IPP: variants seen among roughly 807,000 people sequenced by gnomAD.
IPP encodes the protein actin-binding protein IPP.
A neutral mutation model predicts 64.1 loss-of-function variants in IPP; 41 were observed. The ratio of observed to expected loss-of-function variants is 0.64; its 90% CI spans 0.50 to 0.83. The LOEUF (loss-of-function observed/expected upper bound fraction) is 0.83. IPP is among the 40% of genes least tolerant of loss of function. IPP has a pLI of 0.00. For missense variants in IPP, 649 were observed against 703.0 expected, an observed-to-expected ratio of 0.92 and a Z score of 0.87; for synonymous variants, 214 against 235.2, an observed-to-expected ratio of 0.91 and a Z score of 0.83.
chr1:45,736,251 C>T (rs191616119), intron 3 of IPP, among the ~76,000 whole-genome samples: 5 of 151,898 alleles, frequency 3.3e-5, no homozygotes, highest in Admixed American at 6.6e-5. Flanking sequence ...ACCACCACGC[C>T]GAGCCTATTG....
intron 7 of IPP, 32 bp downstream of exon 7, chr1:45,716,863 T>C (rs758363576): frequency 6.3e-7 from 1 of 1,586,232 alleles, no homozygotes; most frequent in South Asian, 1.1e-5. Context: ...CAGAACTACA[T>C]TTTGAGGAAA....
rs1431003479 is a variant in IPP at position 45,749,676 on chromosome 1, A to G, written c.-51+921T>C. Among the ~76,000 whole-genome samples, 27 of 149,358 alleles carry G rather than the reference A, an allele frequency of 1.8e-4. No individual in the cohort carries two copies. In the South Asian group the frequency reaches 3.6e-3, roughly 20 times the overall value. ...GCTGGGACTACAGGCGCCCGCCACC[A>G]CGCCCGGCTAATTTTTTGCATTTTT... On this transcript the variant is annotated intron_variant, in intron 1 of 8. Coordinates refer to ENST00000396478, the MANE Select transcript of IPP (RefSeq NM_005897.3).
chr1:45,698,881 G>T lies in IPP; in HGVS notation c.*1085C>A. On this transcript the variant is annotated 3_prime_UTR_variant, in exon 9 of 9. Transcript: ENST00000396478. ...CCACAGGTACAAGCCACAACGCCCG[G>T]CTAATTTTTATATATTTTTTGGTAG... 3.2e-6 allele frequency: 1 copy of T among 316,558 alleles called. No homozygotes were observed. Among genetic ancestry groups the T allele is most frequent in the Non-Finnish European group, 4.6e-6 (1 of 218,840 alleles). 19.6% of individuals were successfully genotyped at this position (316,558 alleles called of 1,614,324 possible). A position where few individuals can be genotyped will look rare whatever the true frequency, so the allele number is the denominator to read the frequency against.
chr1:45,694,996 C>T (rs1235798135), downstream of IPP: 1 of 153,332 alleles, frequency 6.5e-6, no homozygotes, highest in Non-Finnish European at 1.5e-5. Flanking sequence ...AGCGATTCTC[C>T]TGCCTCAGCA....
intron 1 of IPP, among the ~76,000 whole-genome samples, chr1:45,749,710 CG>C (rs1646193849): frequency 6.6e-6 from 1 of 151,286 alleles, no homozygotes; most frequent in Admixed American, 6.6e-5. Context: ...TTAGTAGAGA[CG>C]GGGTTTCACC....
chr1:45,721,052 A>G (rs1213819335), intron 5 of IPP, among the ~76,000 whole-genome samples: 1 of 152,214 alleles, frequency 6.6e-6, no homozygotes. Flanking sequence ...TAAAAGATGA[A>G]GCAGCACAGT....
At chr1:45,717,115 G>C (rs979530732) in intron 6 of IPP, 98 bp from the exon 7 acceptor site, 4 of 1,023,956 alleles carry the variant, frequency 3.9e-6, no homozygotes, top group Non-Finnish European at 5.7e-6. Flanking sequence ...TCATATTATA[G>C]ATATCACATG....
intron 3 of IPP, among the ~76,000 whole-genome samples, chr1:45,737,907 AT>A (rs1646001730): frequency 6.6e-6 from 1 of 152,206 alleles, no homozygotes; most frequent in Non-Finnish European, 1.5e-5. Flanking sequence ...GGACAGTATA[AT>A]AAGATATTTT....
intron 1 of IPP, among the ~76,000 whole-genome samples, chr1:45,747,101 C>T (rs187706673): frequency 4.0e-5 from 6 of 151,798 alleles, no homozygotes; most frequent in East Asian, 3.9e-4. Context: ...TCTTAGTGCG[C>T]GCATGCGCGC....
intron 3 of IPP, among the ~76,000 whole-genome samples, chr1:45,740,495 G>C (rs920279368): frequency 6.6e-6 from 1 of 152,046 alleles, no homozygotes; most frequent in Non-Finnish European, 1.5e-5. Context: ...CTGGCCGGGC[G>C]GGGGGCTGAC....
In IPP at chr1:45,741,732, C is replaced by T. The variant is rs1304788793; in HGVS notation, c.293-400G>A. The stretch of plus-strand genomic sequence containing the variant: ...CAAGCTCCGCCTCCCAGGTTCACGC[C>T]ATTCTCCTGCCTCAGCCTCCCGAGT... On this transcript the variant is annotated intron_variant, in intron 2 of 8. Transcript: ENST00000396478. 3.2e-5 allele frequency among the ~76,000 whole-genome samples: 3 copies of T among 92,810 alleles called. 1 individual carries two copies. Among genetic ancestry groups the T allele is most frequent in the African/African-American group, 1.1e-4 (3 of 27,504 alleles). 60.9% of individuals were successfully genotyped at this position (92,810 alleles called of 152,430 possible). A position where few individuals can be genotyped will look rare whatever the true frequency, so the allele number is the denominator to read the frequency against.
intron 3 of IPP, among the ~76,000 whole-genome samples, chr1:45,740,505 C>T (rs545446479): frequency 4.0e-5 from 6 of 151,444 alleles, no homozygotes; most frequent in Non-Finnish European, 8.9e-5. Context: ...GGGGGGCTGA[C>T]CCCCCCACCT....
rs1557758666 is a variant in IPP, at chr1:45,738,854, A to AAAAAAACAAAC, written c.724+2046_724+2047insGTTTGTTTTTT. 6.6e-3 allele frequency among the ~76,000 whole-genome samples: 708 copies of AAAAAAACAAAC among 107,464 alleles called. 12 individuals carry two copies. The highest frequency in any genetic ancestry group is 0.019 in the African/African-American group (612 of 31,666). 70.5% of individuals were successfully genotyped at this position (107,464 alleles called of 152,430 possible). A position where few individuals can be genotyped will look rare whatever the true frequency, so the allele number is the denominator to read the frequency against. On this transcript the variant is annotated intron_variant, in intron 3 of 8. Transcript: ENST00000396478. ...GACTCCATCTCAAAAAAAAAAAAAA[A>AAAAAAACAAAC]AAAAAAAAAAACAAGAAAAAAATCT...
chr1:45,724,863 C>T (rs1645790112), intron 5 of IPP, among the ~76,000 whole-genome samples: 1 of 151,058 alleles, frequency 6.6e-6, no homozygotes, highest in African/African-American at 2.4e-5. Flanking sequence ...CTCCGCCCGG[C>T]AGCCACCCCG....
At chr1:45,729,100 C>A (rs893979037) in intron 4 of IPP, among the ~76,000 whole-genome samples, 7 of 148,138 alleles carry the variant, frequency 4.7e-5, no homozygotes, top group Non-Finnish European at 8.9e-5. Context: ...GATCCGAGAT[C>A]ACGCCACTGC....
At chr1:45,735,146 C>T (rs542622049) in intron 3 of IPP, among the ~76,000 whole-genome samples, 7 of 151,448 alleles carry the variant, frequency 4.6e-5, no homozygotes, top group African/African-American at 9.7e-5. Context: ...TGCAGTGGTG[C>T]GATCTCAGCT....
In IPP at chr1:45,733,735, G is replaced by T. The variant is rs371252201; in HGVS notation, c.725-3966C>A. On this transcript the variant is annotated intron_variant, in intron 3 of 8. Transcript: ENST00000396478. ...TAATCCCAGCTACTCGGGAGGCTGA[G>T]GCAGGAGAATCGATTGAACCTGGGA... 3.8e-4 allele frequency among the ~76,000 whole-genome samples: 58 copies of T among 151,990 alleles called. No homozygotes were observed. The East Asian group carries it at 8.7e-3, about 23-fold the overall frequency.
chr1:45,718,249 AAAT>A (rs980842439), intron 6 of IPP, among the ~76,000 whole-genome samples: 3 of 152,236 alleles, frequency 2.0e-5, no homozygotes, highest in Admixed American at 6.5e-5. Flanking sequence ...TGCTTAATTA[AAAT>A]AATGAGATTT....
At position 45,738,334 on chromosome 1, in the gene IPP, C is replaced by G. The variant is rs74227047; in HGVS notation, c.724+2567G>C. Among the ~76,000 whole-genome samples, 84 of 150,714 alleles carry G rather than the reference C, an allele frequency of 5.6e-4. No homozygotes were observed. In the East Asian group the frequency reaches 0.013, roughly 24 times the overall value. On this transcript the variant is annotated intron_variant, in intron 3 of 8. Transcript: ENST00000396478. ...TCATTTTTTTTTTTGCATTTTTGTG[C>G]TTTTTGTTGGTAATTTTGCTGTTTA...
Sources: gnomAD v4.1 joint callset for allele counts (sites outside exome capture counted in the v4.1 genomes callset) on GRCh38, gnomAD v4.1.1 for gene constraint, MANE v1.5 for transcripts, NCBI Gene and HGNC (gene_info 2026-07-23, HGNC 2026-07-21) for gene names.